Variants in ARHGEF18 observed in about 807,000 individuals in gnomAD.
The protein encoded by ARHGEF18 is rho guanine nucleotide exchange factor 18.
ARHGEF18 carries 93 observed loss-of-function variants against 155.7 expected under a neutral mutation model. The ratio of observed to expected loss-of-function variants is 0.60; its 90% CI spans 0.50 to 0.71. The LOEUF is 0.71. ARHGEF18 is among the 30% of genes least tolerant of loss of function. ARHGEF18 has a pLI of 0.00. For missense variants in ARHGEF18, 1,593 were observed against 1,816.1 expected (o/e 0.88, Z 2.23); for synonymous variants, 742 against 753.1 (o/e 0.99, Z 0.24).
At chr19:7,432,358 A>G (rs1940389795) in intron 10 of ARHGEF18, among the ~76,000 whole-genome samples, 1 of 152,212 alleles carries the variant, frequency 6.6e-6, no homozygotes. Flanking sequence ...GGCTGAAACA[A>G]AGAACAGAAG....
At chr19:7,438,347 C>T (rs1035952259) in intron 10 of ARHGEF18, among the ~76,000 whole-genome samples, 1 of 151,514 alleles carries the variant, frequency 6.6e-6, no homozygotes, top group Non-Finnish European at 1.5e-5. Flanking sequence ...GCGATCCTTC[C>T]ACCTCTACCT....
Position 7,385,870 on chromosome 19 carries a change from T to TCC in ARHGEF18, c.967+2672_967+2673dup, listed in dbSNP as rs1279086371. 9.5e-3 allele frequency among the ~76,000 whole-genome samples: 280 copies of TCC among 29,554 alleles called. 12 individuals carry two copies. The highest frequency in any genetic ancestry group is 0.038 in the Admixed American group (106 of 2,812). The allele number at this position is 29,554 out of a possible 152,430, so 19.4% of individuals were successfully genotyped here. On this transcript the variant is annotated intron_variant, in intron 10 of 28. Coordinates refer to ENST00000668164, the MANE Select transcript of ARHGEF18 (RefSeq NM_001367823.1). ...CTCTCTCTCTCTCTCTCTCTCTCTC[T>TCC]CCCCCCTCCCTCTCTCCCTCCCTCC... is the stretch of plus-strand genomic sequence containing the variant.
At position 7,382,908 on chromosome 19, in the gene ARHGEF18, AGCCACGGGG is replaced by A; in HGVS notation, c.825+18_825+26del. On this transcript the variant is annotated intron_variant, in intron 9 of 28. Transcript: ENST00000668164. The stretch of plus-strand genomic sequence containing the variant: ...CAGAAGGAGAAGGTAAGGGGAGCTA[AGCCACGGGG>A]GCCCTCCTCTGCCTTCCCCAGCTTG... The A allele has an allele frequency of 8.1e-7, 1 of 1,232,490 alleles. No individual in the cohort carries two copies. Among genetic ancestry groups the A allele is most frequent in the Non-Finnish European group, 1.0e-6 (1 of 988,090 alleles). 76.3% of individuals were successfully genotyped at this position (1,232,490 alleles called of 1,614,324 possible).
At chr19:7,430,490 A>C (rs1041721094) in intron 10 of ARHGEF18, among the ~76,000 whole-genome samples, 5 of 152,010 alleles carry the variant, frequency 3.3e-5, no homozygotes, top group Non-Finnish European at 7.4e-5. Flanking sequence ...GGCATGAGCC[A>C]CTGTACCCAA....
intron 10 of ARHGEF18, among the ~76,000 whole-genome samples, chr19:7,410,809 C>CAAAAAA (rs58022667): frequency 2.8e-4 from 23 of 82,232 alleles, no homozygotes; most frequent in East Asian, 1.8e-3. Flanking sequence ...GACTCCATCT[C>CAAAAAA]AAAAAAAAAA....
intron 1 of ARHGEF18, among the ~76,000 whole-genome samples, chr19:7,361,979 G>A (rs939128992): frequency 1.1e-4 from 16 of 142,460 alleles, no homozygotes; most frequent in African/African-American, 4.1e-4. Context: ...GGGCAACAGA[G>A]CAAGACTCTG....
Position 7,464,082 on chromosome 19 carries a change from G to A in ARHGEF18, c.2773+127G>A, listed in dbSNP as rs946698755. ...AGACAGAGTCTTGCTCTGTCACCCA[G>A]GCTGGAGTGCAGTGGCGCAATCTCA... On this transcript the variant is annotated intron_variant, in intron 22 of 28. Coordinates refer to ENST00000668164, the MANE Select transcript of ARHGEF18 (RefSeq NM_001367823.1). 6 of 1,329,798 alleles carry A rather than the reference G, an allele frequency of 4.5e-6. No individual in the cohort carries two copies. The African/African-American group carries it at 9.0e-5, about 20-fold the overall frequency. 82.4% of individuals were successfully genotyped at this position (1,329,798 alleles called of 1,614,324 possible).
Position 7,462,430 on chromosome 19 carries a change from G to A in ARHGEF18, c.2635+96G>A, listed in dbSNP as rs1011411859. 69 of 1,369,292 alleles carry A rather than the reference G, an allele frequency of 5.0e-5. No homozygotes were observed. In the African/African-American group the frequency reaches 7.4e-4, roughly 15 times the overall value. 84.8% of individuals were successfully genotyped at this position (1,369,292 alleles called of 1,614,324 possible). On this transcript the variant is annotated intron_variant, in intron 21 of 28. Transcript: ENST00000668164. This position sits in a 1 kb window ranked among gnomAD's most constrained non-coding sequence, Gnocchi z 4.4. ...GCTCACGGCTCATTGTGGCCGACACGGCACCCTGTCCAGGACAGGCTTCTA... is the reference window on the plus strand; with the variant it reads ...GCTCACGGCTCATTGTGGCCGACACAGCACCCTGTCCAGGACAGGCTTCTA...
chr19:7,425,660 T>A (rs1159207615), intron 10 of ARHGEF18, among the ~76,000 whole-genome samples: 3 of 134,036 alleles, frequency 2.2e-5, no homozygotes, highest in Non-Finnish European at 4.7e-5. Context: ...CCAGCCCGGG[T>A]GACAGAGTGA....
chr19:7,432,432 C>A (rs572711388), intron 10 of ARHGEF18, among the ~76,000 whole-genome samples: 1 of 152,138 alleles, frequency 6.6e-6, no homozygotes, highest in African/African-American at 2.4e-5. Context: ...TGAGACCAGG[C>A]CTTGAAACCG....
At chr19:7,403,805 C>T (rs1186565577) in intron 10 of ARHGEF18, among the ~76,000 whole-genome samples, 1 of 152,088 alleles carries the variant, frequency 6.6e-6, no homozygotes, top group Non-Finnish European at 1.5e-5. Flanking sequence ...TGACTCACAC[C>T]TGTAATCCCA....
chr19:7,433,360 G>C (rs970679742), intron 10 of ARHGEF18, among the ~76,000 whole-genome samples: 1 of 151,402 alleles, frequency 6.6e-6, no homozygotes, highest in African/African-American at 2.4e-5. Flanking sequence ...CCAGCTACTC[G>C]GGAGGCTGAG....
rs2145893485 is a variant in ARHGEF18 at position 7,463,754 on chromosome 19, C to T, written c.2636-64C>T. The T allele has an allele frequency of 2.7e-6, 4 of 1,504,406 alleles. No individual in the cohort carries two copies. The highest frequency in any genetic ancestry group is 3.6e-6 in the Non-Finnish European group (4 of 1,121,906). The allele number at this position is 1,504,406 out of a possible 1,614,324, so 93.2% of individuals were successfully genotyped here. ...CCACCCGGGTCTCGCTGCCCCAGCG[C>T]TCCGTATTCCCCCAGCACACTTCCG... On this transcript the variant is annotated intron_variant, in intron 21 of 28. Transcript: ENST00000668164. This position sits in a 1 kb window ranked among gnomAD's most constrained non-coding sequence, Gnocchi z 5.2.
chr19:7,407,494 A>G (rs1011801440), intron 10 of ARHGEF18, among the ~76,000 whole-genome samples: 2 of 151,882 alleles, frequency 1.3e-5, no homozygotes, highest in African/African-American at 2.4e-5. Context: ...AGCATGGGCA[A>G]TTTCAAGCGT....
chr19:7,349,741 C>G (rs562457386), intron 1 of ARHGEF18, among the ~76,000 whole-genome samples: 1 of 151,900 alleles, frequency 6.6e-6, no homozygotes, highest in South Asian at 2.1e-4. Flanking sequence ...AGTCTCAAAA[C>G]AAAGAAAAGA....
intron 10 of ARHGEF18, among the ~76,000 whole-genome samples, chr19:7,392,095 G>C (rs1971433730): frequency 6.6e-6 from 1 of 151,794 alleles, no homozygotes; most frequent in African/African-American, 2.4e-5. Flanking sequence ...ACAAAAATTA[G>C]CCAGATGTAG....
Position 7,441,732 on chromosome 19 carries a change from A to T in ARHGEF18, c.1186A>T (p.Thr396Ser). ...GACAGCTGATGACTCTCTGTCCCTT[A>T]CATCTCCAAACACCGAGTCCATTTT... ...KQTADDSLSL[T>S]SPNTESIFVE... The change falls in exon 12 of 29, where the codon ACA becomes TCA. Residue 396 changes from threonine (T) to serine (S), a missense_variant. Coordinates refer to ENST00000668164, the MANE Select transcript of ARHGEF18 (RefSeq NM_001367823.1). 1 of 1,614,190 alleles carries T rather than the reference A, an allele frequency of 6.2e-7. No individual in the cohort carries two copies. The highest frequency in any genetic ancestry group is 8.5e-7 in the Non-Finnish European group (1 of 1,180,030).
At chr19:7,455,144 CTCA>C (rs1428123184) in intron 17 of ARHGEF18, among the ~76,000 whole-genome samples, 1 of 152,190 alleles carries the variant, frequency 6.6e-6, no homozygotes, top group Non-Finnish European at 1.5e-5. Flanking sequence ...CACTTGCCCA[CTCA>C]TCATTTGAGT....
At chr19:7,367,484 C>T (rs922113457) in intron 2 of ARHGEF18, among the ~76,000 whole-genome samples, 2 of 151,818 alleles carry the variant, frequency 1.3e-5, no homozygotes, top group South Asian at 2.1e-4. Flanking sequence ...TGGTGACTCA[C>T]GCCTGTAATC....
Sources: allele counts gnomAD v4.1 joint callset (sites outside exome capture counted in the v4.1 genomes callset), GRCh38; gene constraint gnomAD v4.1.1; non-coding constraint Gnocchi (gnomAD v3.1); transcripts MANE v1.5; gene names NCBI Gene and HGNC (gene_info 2026-07-23, HGNC 2026-07-21).